Variants in SHISA9 observed in about 807,000 individuals in gnomAD.
SHISA9 encodes the protein protein shisa-9.
SHISA9 carries 13 observed loss-of-function variants against 38.0 expected under a neutral mutation model. That is an observed-to-expected ratio of 0.34 (90% CI 0.22 to 0.54). SHISA9 has a LOEUF of 0.54. Among genes scored for constraint, SHISA9 ranks in the 20% least tolerant of loss-of-function variants. The pLI, the probability that SHISA9 is intolerant of heterozygous loss-of-function variation, is 0.91. For synonymous variants in SHISA9, 275 were observed against 242.0 expected, an observed-to-expected ratio of 1.14 and a Z score of -1.27; for missense variants, 538 against 575.8, an observed-to-expected ratio of 0.93 and a Z score of 0.67.
chr16:13,091,181 T>C (rs1359745588), intron 2 of SHISA9, among the ~76,000 whole-genome samples: 12 of 151,214 alleles, frequency 7.9e-5, no homozygotes, highest in Non-Finnish European at 1.6e-4. Flanking sequence ...GTTAGTCTGA[T>C]GGGCTTCCCT....
chr16:13,379,545 T>C, the SHISA9 span, among the ~76,000 whole-genome samples: 1 of 152,184 alleles, frequency 6.6e-6, no homozygotes. Flanking sequence ...GGCTGACAAG[T>C]GGCAAATGAC....
Position 13,235,506 on chromosome 16 carries a change from G to C in SHISA9, c.*97G>C. 2 of 1,351,208 alleles carry C rather than the reference G, an allele frequency of 1.5e-6. No individual in the cohort carries two copies. Among genetic ancestry groups the C allele is most frequent in the Non-Finnish European group, 2.0e-6 (2 of 1,018,322 alleles). The allele number at this position is 1,351,208 out of a possible 1,614,324, so 83.7% of individuals were successfully genotyped here. A position where few individuals can be genotyped will look rare whatever the true frequency, so the allele number is the denominator to read the frequency against. On this transcript the variant is annotated 3_prime_UTR_variant, in exon 5 of 5. Transcript: ENST00000558583. ...CTCCCCATCCTCCCCTAATACATGC[G>C]TCCACACACTCACTCTCAACAAGAA...
chr16:13,019,884 CT>C (rs1227139524), intron 2 of SHISA9, among the ~76,000 whole-genome samples: 1,367 of 20,762 alleles, frequency 0.066, 148 homozygotes, highest in East Asian at 0.15. Flanking sequence ...CCCTCCCTCC[CT>C]TCTTTCTTTC....
rs759731915 is a variant in SHISA9, at chr16:13,201,480, G to T, written c.692-1914G>T. On this transcript the variant is annotated intron_variant, in intron 2 of 4. Coordinates refer to ENST00000558583, the MANE Select transcript of SHISA9 (RefSeq NM_001145204.3). ...TCTGGGTATTTTCAATTCACAGTTG[G>T]CTGAATCCAAGGGTGTAGAACCTGT... is the stretch of plus-strand genomic sequence containing the variant. 4.5e-5 allele frequency among the ~76,000 whole-genome samples: 6 copies of T among 133,822 alleles called. 1 individual carries two copies. Among genetic ancestry groups the T allele is most frequent in the African/African-American group, 8.9e-5 (3 of 33,898 alleles). 87.8% of individuals were successfully genotyped at this position (133,822 alleles called of 152,430 possible).
At chr16:13,186,376 CA>C (rs2050823359) in intron 2 of SHISA9, among the ~76,000 whole-genome samples, 1 of 142,114 alleles carries the variant, frequency 7.0e-6, no homozygotes, top group Non-Finnish European at 1.5e-5. Context: ...CGGCTCACTG[CA>C]ACCTCTGCCT....
At chr16:12,949,696 T>C (rs183342541) in intron 2 of SHISA9, among the ~76,000 whole-genome samples, 20 of 152,374 alleles carry the variant, frequency 1.3e-4, no homozygotes, top group African/African-American at 4.6e-4. Flanking sequence ...ATATGACATA[T>C]TAAAATTAAG....
At chr16:13,255,325 G>A in the SHISA9 span, among the ~76,000 whole-genome samples, 108,008 of 151,836 alleles carry the variant, frequency 0.71, 38,594 homozygotes, top group Admixed American at 0.79. Context: ...CTCATCCTCT[G>A]AGATCTGCCT....
the SHISA9 span, among the ~76,000 whole-genome samples, chr16:13,310,912 G>T: frequency 2.6e-5 from 4 of 151,804 alleles, no homozygotes; most frequent in Admixed American, 1.3e-4. Context: ...TCAATCTCTT[G>T]ACCTCGTGAT....
chr16:13,344,778 C>CG, the SHISA9 span, among the ~76,000 whole-genome samples: 1 of 152,144 alleles, frequency 6.6e-6, no homozygotes, highest in Non-Finnish European at 1.5e-5. Flanking sequence ...AATCTCACAA[C>CG]CAGTAAATGA....
At chr16:13,166,493 C>G (rs2050637083) in intron 2 of SHISA9, among the ~76,000 whole-genome samples, 1 of 152,204 alleles carries the variant, frequency 6.6e-6, no homozygotes, top group Non-Finnish European at 1.5e-5. Flanking sequence ...TCTAATAAAA[C>G]CCATCTCTCT....
At chr16:13,211,019 G>A (rs922596101) in intron 3 of SHISA9, among the ~76,000 whole-genome samples, 1 of 152,174 alleles carries the variant, frequency 6.6e-6, no homozygotes, top group Admixed American at 6.5e-5. Context: ...AAGTTTGGCT[G>A]GGCACAGTGG....
chr16:13,462,066 T>C, the SHISA9 span, among the ~76,000 whole-genome samples: 1 of 151,692 alleles, frequency 6.6e-6, no homozygotes, highest in East Asian at 2.0e-4. Context: ...GGACAGGAGT[T>C]CAAGACCAGG....
chr16:13,384,584 G>T, the SHISA9 span, among the ~76,000 whole-genome samples: 110,407 of 151,986 alleles, frequency 0.73, 40,966 homozygotes, highest in East Asian at 0.96. Flanking sequence ...TGGACCTCAG[G>T]CTACAGCAAA....
chr16:13,157,469 C>A (rs1321893429), intron 2 of SHISA9, among the ~76,000 whole-genome samples: 1 of 152,128 alleles, frequency 6.6e-6, no homozygotes, highest in Admixed American at 6.5e-5. Context: ...GCCTTTCTGT[C>A]CCCCAGTTTC....
At chr16:13,555,162 A>G in the SHISA9 span, among the ~76,000 whole-genome samples, 1 of 152,222 alleles carries the variant, frequency 6.6e-6, no homozygotes, top group African/African-American at 2.4e-5. Flanking sequence ...AGGGTTGTTG[A>G]GAGAATTAAA....
the SHISA9 span, among the ~76,000 whole-genome samples, chr16:13,549,419 A>C: frequency 6.6e-6 from 1 of 152,218 alleles, no homozygotes; most frequent in Non-Finnish European, 1.5e-5. Context: ...AGCACACTGT[A>C]CCCCATAAAT....
the SHISA9 span, among the ~76,000 whole-genome samples, chr16:13,320,205 C>T: frequency 4.3e-5 from 6 of 139,810 alleles, no homozygotes; most frequent in African/African-American, 1.6e-4. Context: ...GCAGGAGAAT[C>T]GCTTGAACCC....
chr16:13,556,156 C>A, the SHISA9 span, among the ~76,000 whole-genome samples: 1 of 152,166 alleles, frequency 6.6e-6, no homozygotes, highest in Non-Finnish European at 1.5e-5. Flanking sequence ...ATTTCTCTCA[C>A]CACACACCAT....
the SHISA9 span, among the ~76,000 whole-genome samples, chr16:13,327,918 C>G: frequency 6.6e-6 from 1 of 152,110 alleles, no homozygotes; most frequent in Admixed American, 6.5e-5. Context: ...TTCGGCCTCC[C>G]AAAGTGCTAG....
Sources: gnomAD v4.1 joint callset for allele counts (sites outside exome capture counted in the v4.1 genomes callset) on GRCh38, gnomAD v4.1.1 for gene constraint, MANE v1.5 for transcripts, NCBI Gene and HGNC (gene_info 2026-07-23, HGNC 2026-07-21) for gene names.